Variants in TENM1 observed in about 807,000 individuals in gnomAD.
The protein encoded by TENM1 is teneurin-1.
A neutral mutation model predicts 174.8 loss-of-function variants in TENM1; 35 were observed. The ratio of observed to expected loss-of-function variants is 0.20; its 90% CI spans 0.15 to 0.27. The LOEUF (loss-of-function observed/expected upper bound fraction) is 0.27. TENM1 is among the 10% of genes least tolerant of loss of function. The pLI, the probability that TENM1 is intolerant of heterozygous loss-of-function variation, is 1.00. For missense variants in TENM1, 1,633 were observed against 2,130.1 expected (o/e 0.77, Z 4.59); for synonymous variants, 781 against 798.7 (o/e 0.98, Z 0.37).
At chrX:125,113,902 C>T in the TENM1 span, among the ~76,000 whole-genome samples, 1 of 110,987 alleles carries the variant, frequency 9.0e-6, no homozygotes, top group East Asian at 2.8e-4. Context: ...GGCTCTGGAC[C>T]AAGCAGACCT....
chrX:124,990,087 T>C, the TENM1 span, among the ~76,000 whole-genome samples: 2 of 111,807 alleles, frequency 1.8e-5, no homozygotes, highest in South Asian at 3.7e-4. Flanking sequence ...ATATTTCTTA[T>C]AGACCTCTTA....
At chrX:124,438,479 C>A (rs773055822) in intron 23 of TENM1, among the ~76,000 whole-genome samples, 1 of 111,282 alleles carries the variant, frequency 9.0e-6, no homozygotes, top group African/African-American at 3.3e-5. Context: ...GGTTTGCAAG[C>A]CTTGCATCTT....
intron 3 of TENM1, among the ~76,000 whole-genome samples, chrX:124,820,824 C>G (rs1434441898): frequency 8.9e-6 from 1 of 112,517 alleles, no homozygotes; most frequent in East Asian, 2.8e-4. Flanking sequence ...ACCAGATCTT[C>G]TGCCTTGCAG....
intron 19 of TENM1, 57 bp downstream of exon 22, chrX:124,503,503 T>A (rs2047377774): frequency 1.9e-6 from 2 of 1,071,014 alleles, no homozygotes; most frequent in South Asian, 2.4e-5. Flanking sequence ...CTGCAATAAA[T>A]ATGTATTATA....
chrX:125,086,014 G>A, the TENM1 span, among the ~76,000 whole-genome samples: 2 of 110,106 alleles, frequency 1.8e-5, no homozygotes, highest in African/African-American at 6.6e-5. Flanking sequence ...AATTATTTAG[G>A]TGTTGAGTGT....
chrX:124,790,683 G>A (rs369123023), intron 3 of TENM1, among the ~76,000 whole-genome samples: 4 of 111,922 alleles, frequency 3.6e-5, no homozygotes, highest in Non-Finnish European at 3.8e-5. Flanking sequence ...TAACTTGGAT[G>A]AGTAAAGACA....
intron 23 of TENM1, among the ~76,000 whole-genome samples, chrX:124,422,981 G>C (rs918216932): frequency 8.9e-6 from 1 of 112,051 alleles, no homozygotes; most frequent in African/African-American, 3.2e-5. Context: ...TCCCACCCTA[G>C]ATCTATTGAA....
At chrX:125,068,243 G>A in the TENM1 span, among the ~76,000 whole-genome samples, 1 of 111,035 alleles carries the variant, frequency 9.0e-6, no homozygotes, top group African/African-American at 3.3e-5. Flanking sequence ...ATTAGGCCTG[G>A]CCTGGGGTCC....
At chrX:125,143,620 T>C in the TENM1 span, among the ~76,000 whole-genome samples, 2 of 111,844 alleles carry the variant, frequency 1.8e-5, no homozygotes, top group Non-Finnish European at 3.8e-5. Flanking sequence ...GGAAAGTAAC[T>C]ATTCTCTACA....
At chrX:124,794,728 G>T (rs746001996) in intron 3 of TENM1, among the ~76,000 whole-genome samples, 3 of 111,549 alleles carry the variant, frequency 2.7e-5, no homozygotes, top group Non-Finnish European at 5.7e-5. Context: ...ACTTAGGAAA[G>T]CATTTAAGCT....
At chrX:125,062,876 G>A in the TENM1 span, among the ~76,000 whole-genome samples, 1 of 112,040 alleles carries the variant, frequency 8.9e-6, no homozygotes, top group Non-Finnish European at 1.9e-5. Flanking sequence ...ACAAGACAGG[G>A]AAATGGGTAG....
the TENM1 span, among the ~76,000 whole-genome samples, chrX:125,017,552 A>T: frequency 9.0e-6 from 1 of 111,721 alleles, no homozygotes; most frequent in African/African-American, 3.3e-5. Flanking sequence ...AATTCATTGT[A>T]CTATAATGAC....
chrX:125,051,376 G>T, the TENM1 span, among the ~76,000 whole-genome samples: 1 of 109,230 alleles, frequency 9.2e-6, no homozygotes, highest in Non-Finnish European at 1.9e-5. Flanking sequence ...AAAAGAGCCC[G>T]CATCGCCAAG....
rs144882446 is a variant in TENM1, at chrX:124,928,803, G to A, written c.218-32562C>T. Among the ~76,000 whole-genome samples the A allele has an allele frequency of 4.2e-4, 47 of 111,319 alleles. No individual in the cohort carries two copies. The East Asian group carries it at 0.01, about 25-fold the overall frequency. On this transcript the variant is annotated intron_variant, in intron 1 of 31. Coordinates refer to ENST00000422452, the Ensembl canonical transcript of TENM1. Reference sequence around the variant, plus strand: ...CCTCTCCAACCTGTCCAGTAAATCAGTACCATATTAATTGTGCTAAAATGC... The same window carrying A: ...CCTCTCCAACCTGTCCAGTAAATCAATACCATATTAATTGTGCTAAAATGC...
intron 1 of TENM1, among the ~76,000 whole-genome samples, chrX:124,955,507 T>C (rs1206122571): frequency 1.8e-5 from 2 of 111,721 alleles, no homozygotes; most frequent in East Asian, 5.6e-4. Context: ...TGTTCTTCTA[T>C]GACATATCAA....
At chrX:124,917,782 A>C (rs372741021) in intron 1 of TENM1, among the ~76,000 whole-genome samples, 20 of 111,653 alleles carry the variant, frequency 1.8e-4, no homozygotes, top group African/African-American at 6.2e-4. Flanking sequence ...TTTCTGTGCA[A>C]ATTTCTGCTC....
chrX:124,476,318 C>T (rs1331533788), intron 22 of TENM1, among the ~76,000 whole-genome samples: 5 of 112,145 alleles, frequency 4.5e-5, no homozygotes, highest in Non-Finnish European at 9.4e-5. Flanking sequence ...TGGATAGGGA[C>T]AAAAACAGAT....
At chrX:125,157,488 T>C in the TENM1 span, among the ~76,000 whole-genome samples, 1 of 112,329 alleles carries the variant, frequency 8.9e-6, no homozygotes, top group African/African-American at 3.2e-5. Context: ...ACTGATACCA[T>C]ATTTTGTTAC....
the TENM1 span, among the ~76,000 whole-genome samples, chrX:125,096,096 AAG>A: frequency 8.9e-6 from 1 of 112,090 alleles, no homozygotes; most frequent in Admixed American, 9.5e-5. Context: ...AATAAAGATG[AAG>A]AGAGTATGCT....
Sources: allele counts gnomAD v4.1 joint callset (sites outside exome capture counted in the v4.1 genomes callset), GRCh38; gene constraint gnomAD v4.1.1; transcripts MANE v1.5; gene names NCBI Gene and HGNC (gene_info 2026-07-23, HGNC 2026-07-21).